Variants in KCTD20 observed in about 807,000 individuals in gnomAD.
KCTD20 encodes the protein BTB/POZ domain-containing protein KCTD20.
In KCTD20, 30 loss-of-function variants were observed where a neutral mutation model predicts 39.6. The ratio of observed to expected loss-of-function variants is 0.76; its 90% CI spans 0.57 to 1.03. The LOEUF is 1.03. KCTD20 is among the 50% of genes least tolerant of loss of function. The pLI is 0.00. For synonymous variants in KCTD20, 162 were observed against 180.6 expected, an observed-to-expected ratio of 0.90 and a Z score of 0.83; for missense variants, 422 against 522.0, an observed-to-expected ratio of 0.81 and a Z score of 1.87.
rs896882002 is a variant in KCTD20 at position 36,487,243 on chromosome 6, C to T, written c.*68C>T. 5.3e-5 allele frequency: 79 copies of T among 1,495,774 alleles called. No individual in the cohort carries two copies. The highest frequency in any genetic ancestry group is 6.6e-5 in the Non-Finnish European group (73 of 1,100,652). The allele number at this position is 1,495,774 out of a possible 1,614,324, so 92.7% of individuals were successfully genotyped here. A position where few individuals can be genotyped will look rare whatever the true frequency, so the allele number is the denominator to read the frequency against. On this transcript the variant is annotated 3_prime_UTR_variant, in exon 8 of 8. Transcript: ENST00000373731. ...GGGATGCCTGCAGCCAGCCCTCCCT[C>T]GTGATTTGTCTCACCTTGAGTAGGA... is the stretch of plus-strand genomic sequence containing the variant.
intron 4 of KCTD20, 34 bp downstream of exon 4, chr6:36,479,257 C>A: frequency 6.9e-7 from 1 of 1,446,278 alleles, no homozygotes; most frequent in South Asian, 1.2e-5. Context: ...CATTCTCTTC[C>A]TCAGGGGCAT....
At chr6:36,449,952 C>G (rs892370582) in intron 1 of KCTD20, among the ~76,000 whole-genome samples, 2 of 151,864 alleles carry the variant, frequency 1.3e-5, no homozygotes, top group African/African-American at 2.4e-5. Flanking sequence ...ATCACAAGGT[C>G]AGGAGATCGA....
At chr6:36,456,225 G>A (rs1775428543) in intron 1 of KCTD20, among the ~76,000 whole-genome samples, 1 of 152,134 alleles carries the variant, frequency 6.6e-6, no homozygotes, top group African/African-American at 2.4e-5. Flanking sequence ...GGGAGGCCAA[G>A]GCAGGAGGAT....
In KCTD20 at chr6:36,449,405, G is replaced by C. The variant is rs183467574; in HGVS notation, c.-47+6294G>C. On this transcript the variant is annotated intron_variant, in intron 1 of 7. Coordinates refer to ENST00000373731, the MANE Select transcript of KCTD20 (RefSeq NM_173562.5). ...CAGAGCGCTGATTGATAGACACAGA[G>C]CGCTGATTCATGCGTTTTTACATAG... Among the ~76,000 whole-genome samples the C allele has an allele frequency of 2.8e-3, 429 of 151,166 alleles. 2 individuals are homozygous for C. The highest frequency in any genetic ancestry group is 5.0e-3 in the Non-Finnish European group (339 of 67,932).
Position 36,490,490 on chromosome 6 carries a change from T to TCATG in KCTD20, c.*3317_*3320dup, listed in dbSNP as rs1776554248. Reference sequence around the variant, plus strand: ...AGGTAGAGGTTGCAGTGAGCCACGATCATGCCACTGCACTCCAGCCTGGGC... The same window carrying TCATG: ...AGGTAGAGGTTGCAGTGAGCCACGATCATGCATGCCACTGCACTCCAGCCTGGGC... On this transcript the variant is annotated 3_prime_UTR_variant, in exon 8 of 8. Transcript: ENST00000373731. 1 of 151,792 alleles carries TCATG rather than the reference T, an allele frequency of 6.6e-6. No individual in the cohort carries two copies. Among genetic ancestry groups the TCATG allele is most frequent in the African/African-American group, 2.4e-5 (1 of 41,170 alleles). The allele number at this position is 151,792 out of a possible 1,614,324, so 9.4% of individuals were successfully genotyped here. A position where few individuals can be genotyped will look rare whatever the true frequency, so the allele number is the denominator to read the frequency against.
chr6:36,465,152 C>T (rs753177008), intron 1 of KCTD20, among the ~76,000 whole-genome samples: 6 of 151,898 alleles, frequency 4.0e-5, no homozygotes, highest in African/African-American at 7.3e-5. Flanking sequence ...AAAAATTAGC[C>T]GGGCGTGATG....
chr6:36,479,841 G>A, intron 5 of KCTD20, 130 bp downstream of exon 5: 1 of 750,084 alleles, frequency 1.3e-6, no homozygotes, highest in South Asian at 1.8e-5. Context: ...GCCGAGGCTG[G>A]AGTGCAGTGG....
In KCTD20 at chr6:36,481,488, C is replaced by T; in HGVS notation, c.659-74C>T. On this transcript the variant is annotated intron_variant, in intron 5 of 7. Coordinates refer to ENST00000373731, the MANE Select transcript of KCTD20 (RefSeq NM_173562.5). ...CCTCATCAATGATAACAGCCATTCC[C>T]TCATAGTCTTTTTCACTCCAGTAAT... is the stretch of plus-strand genomic sequence containing the variant. 30 of 1,110,556 alleles carry T rather than the reference C, an allele frequency of 2.7e-5. No homozygotes were observed. In the South Asian group the frequency reaches 3.8e-4, roughly 14 times the overall value. 68.8% of individuals were successfully genotyped at this position (1,110,556 alleles called of 1,614,324 possible). A position where few individuals can be genotyped will look rare whatever the true frequency, so the allele number is the denominator to read the frequency against.
At chr6:36,485,448 G>C (rs1401789781) in intron 7 of KCTD20, among the ~76,000 whole-genome samples, 1 of 151,164 alleles carries the variant, frequency 6.6e-6, no homozygotes, top group Non-Finnish European at 1.5e-5. Flanking sequence ...GATTCCTGGA[G>C]AGTGCTAAAG....
chr6:36,481,621 G>A lies in KCTD20; in HGVS notation c.718G>A (p.Glu240Lys), dbSNP rs764412683. The change falls in exon 6 of 8, where the codon GAA becomes AAA. Residue 240 changes from glutamate to lysine, a missense_variant. Physicochemically the swap from Glu to Lys is moderately conservative, Grantham distance 56. Coordinates refer to ENST00000373731, the MANE Select transcript of KCTD20 (RefSeq NM_173562.5). ...TCATAAGCAGTTTGATCACTACCTC[G>A]AAGAGCTCATCTTGCCCATCATGGT... ...GAHKQFDHYL[E>K]ELILPIMVGC... 7.4e-6 allele frequency: 12 copies of A among 1,614,032 alleles called. No homozygotes were observed. Among genetic ancestry groups the A allele is most frequent in the East Asian group, 2.2e-5 (1 of 44,898 alleles).
At chr6:36,454,561 C>A (rs1475420673) in intron 1 of KCTD20, among the ~76,000 whole-genome samples, 1 of 151,994 alleles carries the variant, frequency 6.6e-6, no homozygotes, top group Non-Finnish European at 1.5e-5. Context: ...AGGCTTGTCT[C>A]GAACTCCTGA....
intron 2 of KCTD20, among the ~76,000 whole-genome samples, chr6:36,472,399 C>CT (rs1309801926): frequency 6.6e-6 from 1 of 152,188 alleles, no homozygotes; most frequent in African/African-American, 2.4e-5. Context: ...TAAGTGTCCT[C>CT]TACCCAACAA....
intron 5 of KCTD20, 82 bp downstream of exon 5, chr6:36,479,793 T>C (rs1776187247): frequency 9.4e-7 from 1 of 1,067,358 alleles, no homozygotes; most frequent in Admixed American, 2.9e-5. Context: ...TTTTTTTTTT[T>C]TTTTTTTTTT....
chr6:36,470,812 G>A (rs986261979), intron 2 of KCTD20, among the ~76,000 whole-genome samples: 66 of 152,066 alleles, frequency 4.3e-4, no homozygotes, highest in Non-Finnish European at 1.5e-4. Flanking sequence ...ATTTTGCCAA[G>A]GCTGGCAAGC....
At chr6:36,467,729 C>G (rs1387200289) in intron 1 of KCTD20, among the ~76,000 whole-genome samples, 1 of 152,028 alleles carries the variant, frequency 6.6e-6, no homozygotes, top group Non-Finnish European at 1.5e-5. Flanking sequence ...ATAGTACGCT[C>G]TGATCTTACT....
Position 36,488,018 on chromosome 6 carries a change from CCAGGAGACCTTAGATATGGCTTA to C in KCTD20, c.*844_*866del, listed in dbSNP as rs1452788479. 5 of 152,122 alleles carry C rather than the reference CCAGGAGACCTTAGATATGGCTTA, an allele frequency of 3.3e-5. No individual in the cohort carries two copies. The highest frequency in any genetic ancestry group is 4.8e-5 in the African/African-American group (2 of 41,426). 9.4% of individuals were successfully genotyped at this position (152,122 alleles called of 1,614,324 possible). A position where few individuals can be genotyped will look rare whatever the true frequency, so the allele number is the denominator to read the frequency against. On this transcript the variant is annotated 3_prime_UTR_variant, in exon 8 of 8. Transcript: ENST00000373731. ...GAGCAGCACATTGCTGTGGATATGTCCAGGAGACCTTAGATATGGCTTAAAGGCTTTCAAGATGAGGACAGAAA... is the reference window on the plus strand; with the variant it reads ...GAGCAGCACATTGCTGTGGATATGTCAAGGCTTTCAAGATGAGGACAGAAA...
chr6:36,474,361 A>C lies in KCTD20; in HGVS notation c.161-428A>C, dbSNP rs1024785706. Among the ~76,000 whole-genome samples the C allele has an allele frequency of 1.6e-4, 24 of 152,176 alleles. 1 individual carries two copies. The highest frequency in any genetic ancestry group is 4.1e-4 in the South Asian group (2 of 4,834). On this transcript the variant is annotated intron_variant, in intron 2 of 7. Transcript: ENST00000373731. ...CCTTAAATAAAACACGGGAAATATA[A>C]AAGTATTATTTAGCAATAGAAGTGA... is the stretch of plus-strand genomic sequence containing the variant.
intron 1 of KCTD20, among the ~76,000 whole-genome samples, chr6:36,462,786 A>G (rs1368954109): frequency 6.6e-6 from 1 of 152,214 alleles, no homozygotes; most frequent in Non-Finnish European, 1.5e-5. Context: ...GCCCACTAAG[A>G]TACTTACTAC....
In KCTD20 at chr6:36,487,518, ACT is replaced by A. The variant is rs1044640666; in HGVS notation, c.*346_*347del. 1.7e-5 allele frequency: 4 copies of A among 229,942 alleles called. No homozygotes were observed. The highest frequency in any genetic ancestry group is 3.4e-5 in the Non-Finnish European group (4 of 118,162). 14.2% of individuals were successfully genotyped at this position (229,942 alleles called of 1,614,324 possible). On this transcript the variant is annotated 3_prime_UTR_variant, in exon 8 of 8. Coordinates refer to ENST00000373731, the MANE Select transcript of KCTD20 (RefSeq NM_173562.5). Reference sequence around the variant, plus strand: ...TAGCAAAGCAGTCCTTATCCTTTATACTCTGTTCTTGGGTTTTGTTTTTGTCT... The same window carrying A: ...TAGCAAAGCAGTCCTTATCCTTTATACTGTTCTTGGGTTTTGTTTTTGTCT...
Sources: allele counts gnomAD v4.1 joint callset (sites outside exome capture counted in the v4.1 genomes callset), GRCh38; gene constraint gnomAD v4.1.1; transcripts MANE v1.5; gene names NCBI Gene and HGNC (gene_info 2026-07-23, HGNC 2026-07-21).